CPM: variants seen among roughly 807,000 people sequenced by gnomAD.
The protein encoded by CPM is carboxypeptidase M.
In CPM, 35 loss-of-function variants were observed where a neutral mutation model predicts 46.4. The ratio of observed to expected loss-of-function variants is 0.75; its 90% confidence interval spans 0.58 to 1.00. CPM has a LOEUF of 1.00. Among genes scored for constraint, CPM ranks in the 50% least tolerant of loss-of-function variants. The pLI, the probability that CPM is intolerant of heterozygous loss-of-function variation, is 0.00. For synonymous variants in CPM, 195 were observed against 195.3 expected (o/e 1.00, Z 0.01); for missense variants, 422 against 530.4 (o/e 0.80, Z 2.01).
At chr12:68,882,950 C>T (rs573704257) in intron 3 of CPM, among the ~76,000 whole-genome samples, 43 of 152,318 alleles carry the variant, frequency 2.8e-4, no homozygotes, top group Non-Finnish European at 5.3e-4. Context: ...ATCAGCAGAG[C>T]TGAGTCTCCC....
At chr12:68,934,657 A>G (rs945745255), upstream of CPM, among the ~76,000 whole-genome samples, 4 of 152,096 alleles carry the variant, frequency 2.6e-5, no homozygotes, top group African/African-American at 9.7e-5. Context: ...CTTAAAGTAT[A>G]TATAAAGAAA....
intron 3 of CPM, among the ~76,000 whole-genome samples, chr12:68,883,017 CACAA>C (rs58399134): frequency 1.0e-3 from 159 of 152,332 alleles, no homozygotes; most frequent in African/African-American, 3.5e-3. Flanking sequence ...GAAACACACA[CACAA>C]ACACACACAC....
rs1555203311 is a variant in CPM at position 68,962,060 on chromosome 12, CACG to C, written c.-4+1106_-4+1108del. Among the ~76,000 whole-genome samples the C allele has an allele frequency of 2.0e-4, 31 of 151,888 alleles. No individual in the cohort carries two copies. In the South Asian group the frequency reaches 5.4e-3, roughly 27 times the overall value. On this transcript the variant is annotated intron_variant, in intron 1 of 8. Coordinates refer to the CPM transcript ENST00000546373. ...CTGAAAATACAAAAAATTAGCCGGG[CACG>C]GTGGTGGGCGCCTGTAGTCTCAGCT...
upstream of CPM, among the ~76,000 whole-genome samples, chr12:68,933,468 A>G (rs1440593315): frequency 6.6e-6 from 1 of 152,138 alleles, no homozygotes; most frequent in African/African-American, 2.4e-5. Flanking sequence ...CGCCTCGGCC[A>G]CGGCTGTAGC....
intron 2 of CPM, among the ~76,000 whole-genome samples, chr12:68,912,287 G>A (rs1451398617): frequency 1.3e-5 from 2 of 152,174 alleles, no homozygotes; most frequent in Non-Finnish European, 2.9e-5. Flanking sequence ...TTACAGGTGT[G>A]AGCCACCATG....
intron 3 of CPM, among the ~76,000 whole-genome samples, chr12:68,879,259 G>A (rs1173489034): frequency 6.6e-6 from 1 of 152,224 alleles, no homozygotes; most frequent in African/African-American, 2.4e-5. Context: ...CTACAGTACA[G>A]TATTTAAGAC....
rs200501912 is a variant in CPM, at chr12:68,859,105, C to T, written c.941-34G>A. 3.3e-6 allele frequency: 4 copies of T among 1,215,174 alleles called. No individual in the cohort carries two copies. The East Asian group carries it at 8.6e-5, about 26-fold the overall frequency. 75.3% of individuals were successfully genotyped at this position (1,215,174 alleles called of 1,614,324 possible). On this transcript the variant is annotated intron_variant, in intron 7 of 8. Coordinates refer to ENST00000551568, the MANE Select transcript of CPM (RefSeq NM_198320.5). Reference sequence around the variant, plus strand: ...CAAAAATAAAATTAAATATTAATACCATATTTTATGGCATATAAAAATTAT... The same window carrying T: ...CAAAAATAAAATTAAATATTAATACTATATTTTATGGCATATAAAAATTAT...
chr12:68,875,065 T>C (rs954000326), intron 3 of CPM, among the ~76,000 whole-genome samples: 4 of 152,078 alleles, frequency 2.6e-5, no homozygotes, highest in Non-Finnish European at 1.5e-5. Context: ...AATATAAAAG[T>C]TGAGGCCGGG....
chr12:68,886,838 C>A (rs1377923757), intron 2 of CPM, among the ~76,000 whole-genome samples: 1 of 152,062 alleles, frequency 6.6e-6, no homozygotes, highest in African/African-American at 2.4e-5. Context: ...GTGATCTGGG[C>A]AAGAAAGGGC....
At chr12:68,857,165 C>CT (rs148512383) in intron 8 of CPM, among the ~76,000 whole-genome samples, 3,660 of 143,184 alleles carry the variant, frequency 0.026, 70 homozygotes, top group African/African-American at 0.04. Flanking sequence ...TTTCTTTTTT[C>CT]TTTTTTTTTT....
intron 1 of CPM, among the ~76,000 whole-genome samples, chr12:68,947,663 G>T (rs1331021681): frequency 6.7e-6 from 1 of 150,264 alleles, no homozygotes; most frequent in Non-Finnish European, 1.5e-5. Flanking sequence ...TATTTTTTTT[G>T]AGACAGGGTC....
At chr12:68,934,322 G>C (rs1390985885), upstream of CPM, among the ~76,000 whole-genome samples, 2 of 152,190 alleles carry the variant, frequency 1.3e-5, no homozygotes. Context: ...GCCCAAGAAA[G>C]TGTATTTTTA....
At chr12:68,881,950 A>C (rs1886206761) in intron 3 of CPM, among the ~76,000 whole-genome samples, 1 of 150,766 alleles carries the variant, frequency 6.6e-6, no homozygotes, top group Non-Finnish European at 1.5e-5. Flanking sequence ...TTGAACTCCT[A>C]AACTCAGGTG....
At chr12:68,870,755 C>T (rs567706619) in intron 4 of CPM, among the ~76,000 whole-genome samples, 2 of 152,356 alleles carry the variant, frequency 1.3e-5, no homozygotes, top group South Asian at 2.1e-4. Context: ...GGTAAATTGT[C>T]TCAGAAAGAC....
At chr12:68,910,692 A>G (rs1887557624) in intron 2 of CPM, among the ~76,000 whole-genome samples, 2 of 152,216 alleles carry the variant, frequency 1.3e-5, no homozygotes, top group Non-Finnish European at 2.9e-5. Context: ...TTGTTATTTA[A>G]CCATTCTAAG....
At chr12:68,877,908 G>A (rs534714580) in intron 3 of CPM, among the ~76,000 whole-genome samples, 2 of 152,152 alleles carry the variant, frequency 1.3e-5, no homozygotes, top group Non-Finnish European at 2.9e-5. Context: ...AAAACATTTA[G>A]ACATGCAAAC....
At chr12:68,871,051 A>G (rs559500712) in intron 4 of CPM, among the ~76,000 whole-genome samples, 1 of 152,366 alleles carries the variant, frequency 6.6e-6, no homozygotes, top group South Asian at 2.1e-4. Context: ...GCAAACACAT[A>G]TATGTAAATT....
At chr12:68,920,377 G>C (rs1343133503) in intron 2 of CPM, among the ~76,000 whole-genome samples, 1 of 152,164 alleles carries the variant, frequency 6.6e-6, no homozygotes, top group Non-Finnish European at 1.5e-5. Flanking sequence ...CATGTCTCTA[G>C]GTGTCTATGT....
At chr12:68,887,334 G>A (rs1382788836) in intron 2 of CPM, among the ~76,000 whole-genome samples, 3 of 152,222 alleles carry the variant, frequency 2.0e-5, no homozygotes, top group African/African-American at 7.2e-5. Flanking sequence ...ATGGGCAAAT[G>A]TTGAGCAGGT....
Sources: allele counts gnomAD v4.1 joint callset (sites outside exome capture counted in the v4.1 genomes callset), GRCh38; gene constraint gnomAD v4.1.1; transcripts MANE v1.5; gene names NCBI Gene and HGNC (gene_info 2026-07-23, HGNC 2026-07-21).